Variants in G3BP2 observed in about 807,000 individuals in gnomAD.
The protein encoded by G3BP2 is ras GTPase-activating protein-binding protein 2.
In G3BP2, 11 loss-of-function variants were observed where a neutral mutation model predicts 56.7. The ratio of observed to expected loss-of-function variants is 0.19; its 90% CI spans 0.12 to 0.32. The LOEUF (loss-of-function observed/expected upper bound fraction) is 0.32, where lower values mean the gene tolerates loss of function less well. G3BP2 is among the 10% of genes least tolerant of loss of function. The pLI is 1.00. For missense variants in G3BP2, 340 were observed against 610.9 expected (o/e 0.56, Z 4.67); for synonymous variants, 165 against 191.6 (o/e 0.86, Z 1.15).
At chr4:75,661,621 G>A (rs538289428) in intron 2 of G3BP2, 2 of 186,628 alleles carry the variant, frequency 1.1e-5, no homozygotes, top group South Asian at 2.2e-4. Flanking sequence ...TCATATCACT[G>A]CACTCCACCC....
At chr4:75,719,809 A>T (rs1283689231) in intron 3 of G3BP2, among the ~76,000 whole-genome samples, 1 of 151,794 alleles carries the variant, frequency 6.6e-6, no homozygotes, top group Admixed American at 6.6e-5. Context: ...GGCTGGTCTC[A>T]AGCTCCCGAC....
intron 1 of G3BP2, among the ~76,000 whole-genome samples, chr4:75,669,814 C>T (rs1560627071): frequency 6.6e-6 from 1 of 152,158 alleles, no homozygotes; most frequent in African/African-American, 2.4e-5. Context: ...AAAAAGAGGC[C>T]GGGTGCAGTG....
chr4:75,679,042 T>G (rs1733978771), intron 3 of G3BP2, among the ~76,000 whole-genome samples: 1 of 152,230 alleles, frequency 6.6e-6, no homozygotes, highest in South Asian at 2.1e-4. Flanking sequence ...TTCAAACACA[T>G]TATCTCATTT....
intron 10 of G3BP2, 143 bp from the exon 11 acceptor site, chr4:75,646,599 G>C: frequency 1.6e-6 from 1 of 635,304 alleles, no homozygotes; most frequent in East Asian, 2.8e-5. Context: ...TGATAGCCAA[G>C]GTACGTTTAC....
chr4:75,662,744 A>G (rs1732668444), intron 1 of G3BP2, among the ~76,000 whole-genome samples: 1 of 152,134 alleles, frequency 6.6e-6, no homozygotes, highest in South Asian at 2.1e-4. Context: ...CAGGAGGTCC[A>G]ATGCTGCCTC....
chr4:75,693,424 A>C (rs75184373), intron 3 of G3BP2, among the ~76,000 whole-genome samples: 2,165 of 152,104 alleles, frequency 0.014, 59 homozygotes, highest in African/African-American at 0.05. Flanking sequence ...TTGCAGCTAC[A>C]ACCACCACCT....
At chr4:75,679,795 A>G (rs1734005946) in intron 3 of G3BP2, among the ~76,000 whole-genome samples, 1 of 152,232 alleles carries the variant, frequency 6.6e-6, no homozygotes, top group Non-Finnish European at 1.5e-5. Context: ...AACGGATTCC[A>G]TTTAACACTC....
chr4:75,663,112 A>G lies in G3BP2; in HGVS notation c.-24-1063T>C, dbSNP rs186398290. On this transcript the variant is annotated intron_variant, in intron 1 of 11. Coordinates refer to ENST00000359707, the MANE Select transcript of G3BP2 (RefSeq NM_203505.3). ...TAAATGAAATACTCTAGTGAACAAG[A>G]TAAGTCTCTAGCCCTCAAGGAGTTT... 9.8e-5 allele frequency among the ~76,000 whole-genome samples: 15 copies of G among 152,366 alleles called. No homozygotes were observed. The East Asian group carries it at 1.5e-3, about 16-fold the overall frequency.
chr4:75,673,588 G>T (rs1401679614), upstream of G3BP2: 3 of 1,231,704 alleles, frequency 2.4e-6, no homozygotes, highest in East Asian at 3.2e-5. Flanking sequence ...GCTCGCGCCC[G>T]GAAAGCCGGG....
intron 3 of G3BP2, chr4:75,695,074 C>A: frequency 3.8e-6 from 1 of 261,006 alleles, no homozygotes; most frequent in Non-Finnish European, 6.0e-6. Flanking sequence ...CACTGATGGG[C>A]TTGGGAAAAA....
chr4:75,657,564 G>A lies in G3BP2; in HGVS notation c.344C>T (p.Ala115Val). 6.2e-7 allele frequency: 1 copy of A among 1,603,096 alleles called. No homozygotes were observed. Among genetic ancestry groups the A allele is most frequent in the Non-Finnish European group, 8.5e-7 (1 of 1,175,812 alleles). The change falls in exon 4 of 12, where the codon GCT becomes GTT. Residue 115 changes from alanine (A) to valine (V), a missense_variant. Ala to Val is a moderately conservative substitution (Grantham distance 64). Transcript: ENST00000359707. Reference sequence around the variant, plus strand: ...GTGAATTGAGAAACTTACTTCAGGAGCCAGAACAAAGGTTTGCATAAACTT... The same window carrying A: ...GTGAATTGAGAAACTTACTTCAGGAACCAGAACAAAGGTTTGCATAAACTT... ...ERKFMQTFVL[A>V]PEGSVPNKFY...
chr4:75,673,738 A>G (rs889765751), upstream of G3BP2: 1 of 635,682 alleles, frequency 1.6e-6, no homozygotes, highest in African/African-American at 1.9e-5. Flanking sequence ...GCAGCAACGC[A>G]GTGTCTTTTG....
chr4:75,665,189 T>C (rs1204312150), intron 1 of G3BP2, among the ~76,000 whole-genome samples: 2 of 152,220 alleles, frequency 1.3e-5, no homozygotes, highest in Non-Finnish European at 2.9e-5. Context: ...ACTTCTACAT[T>C]ATGTTTTTAG....
intron 3 of G3BP2, among the ~76,000 whole-genome samples, chr4:75,685,273 C>T (rs954986991): frequency 6.6e-6 from 1 of 151,494 alleles, no homozygotes; most frequent in East Asian, 1.9e-4. Flanking sequence ...GGCCGAGGCA[C>T]GTGGATCACC....
At chr4:75,714,008 G>A (rs1368728790) in intron 3 of G3BP2, among the ~76,000 whole-genome samples, 2 of 152,134 alleles carry the variant, frequency 1.3e-5, no homozygotes, top group African/African-American at 4.8e-5. Context: ...CAGAAAGATG[G>A]AGTAACTATT....
intron 3 of G3BP2, among the ~76,000 whole-genome samples, chr4:75,686,320 G>T (rs1718601474): frequency 6.6e-6 from 1 of 152,018 alleles, no homozygotes; most frequent in African/African-American, 2.4e-5. Context: ...AAGAGACACA[G>T]GCAAAAAAGA....
intron 9 of G3BP2, 128 bp from the exon 10 acceptor site, chr4:75,647,285 G>A: frequency 1.7e-6 from 1 of 586,590 alleles, no homozygotes; most frequent in South Asian, 2.9e-5. Context: ...TGAGCTTCTT[G>A]AAAAAGAGGC....
chr4:75,713,555 G>A (rs1212475488), intron 3 of G3BP2, among the ~76,000 whole-genome samples: 3 of 152,196 alleles, frequency 2.0e-5, no homozygotes, highest in African/African-American at 4.8e-5. Context: ...GGCCAAGGTG[G>A]AGGATTGCTT....
intron 1 of G3BP2, among the ~76,000 whole-genome samples, chr4:75,672,201 C>A (rs1003154643): frequency 1.1e-4 from 17 of 152,124 alleles, no homozygotes; most frequent in Admixed American, 1.1e-3. Flanking sequence ...CACTCTCCTC[C>A]CACCCCCCAA....
Sources: allele counts gnomAD v4.1 joint callset (sites outside exome capture counted in the v4.1 genomes callset), GRCh38; gene constraint gnomAD v4.1.1; transcripts MANE v1.5; gene names NCBI Gene and HGNC (gene_info 2026-07-23, HGNC 2026-07-21).